The following FAM13C variants were observed in gnomAD, a reference collection of about 807,000 sequenced individuals.
FAM13C encodes family with sequence similarity 13 member C, also known as protein FAM13C.
A neutral mutation model predicts 73.2 loss-of-function variants in FAM13C; 37 were observed. That is an observed-to-expected ratio of 0.51 (90% CI 0.39 to 0.67). FAM13C has a LOEUF of 0.67. Among genes scored for constraint, FAM13C ranks in the 30% least tolerant of loss-of-function variants. The pLI, the probability that FAM13C is intolerant of heterozygous loss-of-function variation, is 0.00. For missense variants in FAM13C, 589 were observed against 715.6 expected (o/e 0.82, Z 2.02); for synonymous variants, 246 against 260.9 (o/e 0.94, Z 0.55).
intron 6 of FAM13C, 86 bp downstream of exon 6, chr10:59,283,277 C>A (rs1589444716): frequency 7.0e-7 from 1 of 1,424,662 alleles, no homozygotes; most frequent in East Asian, 2.3e-5. Context: ...TGTTTTCCCT[C>A]AGGGGCTCAG....
chr10:59,331,028 T>C (rs1038844331), intron 3 of FAM13C, among the ~76,000 whole-genome samples: 5 of 152,194 alleles, frequency 3.3e-5, no homozygotes, highest in Non-Finnish European at 7.3e-5. Context: ...GGTTTTCTGA[T>C]GACATACATT....
chr10:59,341,695 A>G (rs1354555804), intron 3 of FAM13C, among the ~76,000 whole-genome samples: 3 of 152,152 alleles, frequency 2.0e-5, no homozygotes, highest in Non-Finnish European at 4.4e-5. Context: ...TCCTTCTCGA[A>G]AAAAGGAAAA....
At chr10:59,287,687 C>T (rs1408512651) in intron 5 of FAM13C, among the ~76,000 whole-genome samples, 1 of 152,202 alleles carries the variant, frequency 6.6e-6, no homozygotes, top group Non-Finnish European at 1.5e-5. Flanking sequence ...TTAACAACAA[C>T]AATGGTACTT....
chr10:59,321,826 G>T (rs1850343347), intron 4 of FAM13C, among the ~76,000 whole-genome samples: 1 of 152,106 alleles, frequency 6.6e-6, no homozygotes, highest in Non-Finnish European at 1.5e-5. Context: ...TCACCAAAAT[G>T]ATGTGTGACC....
intron 3 of FAM13C, among the ~76,000 whole-genome samples, chr10:59,329,618 A>G (rs749807820): frequency 2.6e-5 from 4 of 151,990 alleles, no homozygotes; most frequent in Non-Finnish European, 5.9e-5. Flanking sequence ...CTTGGCCCCC[A>G]AAATGCTGAG....
Position 59,293,956 on chromosome 10 carries a change from T to C in FAM13C, c.507+8845A>G, listed in dbSNP as rs549524478. 2.0e-5 allele frequency among the ~76,000 whole-genome samples: 3 copies of C among 152,304 alleles called. No individual in the cohort carries two copies. The South Asian group carries it at 6.2e-4, about 32-fold the overall frequency. The stretch of plus-strand genomic sequence containing the variant: ...TTCAGCAGTAATATTTTCTAAAAGT[T>C]AGCAGGGGTAGGGGGAACAGAATAT... On this transcript the variant is annotated intron_variant, in intron 5 of 13. Transcript: ENST00000618804.
At chr10:59,265,315 GTTT>G (rs754719095) in intron 8 of FAM13C, among the ~76,000 whole-genome samples, 10,753 of 66,926 alleles carry the variant, frequency 0.16, 913 homozygotes, top group South Asian at 0.35. Context: ...TAGGGAAGGG[GTTT>G]TGGCGGGGGG....
intron 5 of FAM13C, among the ~76,000 whole-genome samples, chr10:59,293,506 CTT>C (rs1195635946): frequency 6.6e-6 from 1 of 152,098 alleles, no homozygotes; most frequent in Non-Finnish European, 1.5e-5. Flanking sequence ...ATATTTCACT[CTT>C]TTTTATGACT....
chr10:59,263,995 G>T, intron 9 of FAM13C, 90 bp downstream of exon 9: 1 of 1,175,466 alleles, frequency 8.5e-7, no homozygotes, highest in Non-Finnish European at 1.3e-6. Flanking sequence ...GAGGGCACAG[G>T]TGGAAATGAA....
chr10:59,280,967 C>A (rs115407913), intron 6 of FAM13C, among the ~76,000 whole-genome samples: 1 of 152,166 alleles, frequency 6.6e-6, no homozygotes, highest in African/African-American at 2.4e-5. Flanking sequence ...TTGTTCATAT[C>A]ACATGTTCAA....
rs557550894 is a variant in FAM13C at position 59,331,890 on chromosome 10, G to A, written c.325-7784C>T. ...GTGGTGAAAGCTATTGCTGTTCCAT[G>A]AGATGGACACAGGAAGAGAAACAGT... On this transcript the variant is annotated intron_variant, in intron 3 of 13. Coordinates refer to ENST00000618804, the MANE Select transcript of FAM13C (RefSeq NM_198215.4). Among the ~76,000 whole-genome samples, 4 of 152,314 alleles carry A rather than the reference G, an allele frequency of 2.6e-5. No individual in the cohort carries two copies. The South Asian group carries it at 8.3e-4, about 32-fold the overall frequency.
chr10:59,271,531 C>A (rs1751397432), intron 6 of FAM13C, among the ~76,000 whole-genome samples: 1 of 152,146 alleles, frequency 6.6e-6, no homozygotes, highest in African/African-American at 2.4e-5. Flanking sequence ...TGGAGGGAGG[C>A]AAATGGCAGT....
At chr10:59,324,508 TCACA>T (rs140864889) in intron 3 of FAM13C, among the ~76,000 whole-genome samples, 1 of 148,928 alleles carries the variant, frequency 6.7e-6, no homozygotes, top group Middle Eastern at 3.2e-3. Context: ...TCACACATAC[TCACA>T]CACACACACA....
intron 6 of FAM13C, among the ~76,000 whole-genome samples, chr10:59,273,419 T>G (rs1243201095): frequency 6.6e-6 from 1 of 152,160 alleles, no homozygotes; most frequent in Non-Finnish European, 1.5e-5. Flanking sequence ...ACAGGGTTAA[T>G]GTGGAAAATA....
chr10:59,337,731 G>C (rs1403001303), intron 3 of FAM13C, among the ~76,000 whole-genome samples: 10 of 121,944 alleles, frequency 8.2e-5, no homozygotes, highest in African/African-American at 2.9e-4. Context: ...CCAGGCTAGA[G>C]TGCAATGGTA....
intron 5 of FAM13C, among the ~76,000 whole-genome samples, chr10:59,293,373 G>T (rs1846517133): frequency 6.6e-6 from 1 of 152,142 alleles, no homozygotes; most frequent in Non-Finnish European, 1.5e-5. Flanking sequence ...ACTGCGCCCG[G>T]CCAAGAACAA....
At chr10:59,306,645 G>C (rs999386543) in intron 4 of FAM13C, among the ~76,000 whole-genome samples, 1 of 152,186 alleles carries the variant, frequency 6.6e-6, no homozygotes, top group South Asian at 2.1e-4. Flanking sequence ...GGAGGCCAAG[G>C]CAGGTGGATT....
At chr10:59,307,879 T>C (rs1304629070) in intron 4 of FAM13C, among the ~76,000 whole-genome samples, 1 of 152,154 alleles carries the variant, frequency 6.6e-6, no homozygotes, top group Non-Finnish European at 1.5e-5. Context: ...ATAAAGGTCA[T>C]AGTAGAAGAG....
At chr10:59,361,156 A>G (rs1020065113) in intron 1 of FAM13C, 2 of 1,235,240 alleles carry the variant, frequency 1.6e-6, no homozygotes, top group Admixed American at 2.4e-5. Context: ...GCAATCTTAT[A>G]AACAGAATGT....
Sources: gnomAD v4.1 joint callset for allele counts (sites outside exome capture counted in the v4.1 genomes callset) on GRCh38, gnomAD v4.1.1 for gene constraint, MANE v1.5 for transcripts, NCBI Gene and HGNC (gene_info 2026-07-23, HGNC 2026-07-21) for gene names.